Variants in LNX2 observed in about 807,000 individuals in gnomAD.
LNX2 encodes the protein ligand of numb-protein X 2, also known as ligand of Numb protein X 2.
A neutral mutation model predicts 66.2 loss-of-function variants in LNX2; 35 were observed. The observed-to-expected ratio is 0.53, with a 90% CI of 0.40 to 0.70. The LOEUF is 0.70. LNX2 is among the 30% of genes least tolerant of loss of function. The probability of loss-of-function intolerance (pLI) is 0.00; values close to 1 mark genes in which losing one functional copy is unlikely to be tolerated. For missense variants in LNX2, 791 were observed against 850.8 expected, an observed-to-expected ratio of 0.93 and a Z score of 0.87; for synonymous variants, 337 against 315.6, an observed-to-expected ratio of 1.07 and a Z score of -0.72.
At chr13:27,583,292 G>A (rs367677664) in intron 1 of LNX2, among the ~76,000 whole-genome samples, 1 of 124,180 alleles carries the variant, frequency 8.1e-6, no homozygotes, top group African/African-American at 3.1e-5. Context: ...TTTTAAGTTC[G>A]ATCTGTTGCC....
At chr13:27,608,149 T>C (rs998852916) in intron 1 of LNX2, among the ~76,000 whole-genome samples, 1 of 152,224 alleles carries the variant, frequency 6.6e-6, no homozygotes, top group Admixed American at 6.5e-5. Context: ...AAGACATATA[T>C]GTATTCAGTT....
upstream of LNX2, chr13:27,620,838 G>C (rs1242208252): frequency 6.5e-6 from 1 of 152,792 alleles, no homozygotes; most frequent in Non-Finnish European, 1.5e-5. Flanking sequence ...AGGTGTCTGC[G>C]CGCACCCCCG....
intron 1 of LNX2, among the ~76,000 whole-genome samples, chr13:27,605,684 G>A (rs1482166398): frequency 6.6e-6 from 1 of 151,924 alleles, no homozygotes; most frequent in Non-Finnish European, 1.5e-5. Context: ...GAAAAATATC[G>A]ACCTTACAGG....
At chr13:27,615,255 G>C (rs78774800) in intron 1 of LNX2, among the ~76,000 whole-genome samples, 1 of 152,176 alleles carries the variant, frequency 6.6e-6, no homozygotes, top group Admixed American at 6.5e-5. Context: ...ACAGAACTCA[G>C]GGATACACTT....
chr13:27,562,342 G>A, intron 5 of LNX2, 71 bp downstream of exon 5: 1 of 1,494,008 alleles, frequency 6.7e-7, no homozygotes, highest in South Asian at 1.3e-5. Flanking sequence ...GATGTTATTG[G>A]CCAGTGAAAA....
Position 27,553,382 on chromosome 13 carries a change from G to A in LNX2, c.1604C>T (p.Ala535Val). 1 of 1,614,148 alleles carries A rather than the reference G, an allele frequency of 6.2e-7. No individual in the cohort carries two copies. Among genetic ancestry groups the A allele is most frequent in the Non-Finnish European group, 8.5e-7 (1 of 1,180,036 alleles). Residue 535 changes from alanine to valine, a missense_variant, in exon 8 of 10, where the codon GCA (alanine) becomes GTA (valine). Coordinates refer to ENST00000316334, the MANE Select transcript of LNX2 (RefSeq NM_153371.4). ...IDLTNLSHSE[A>V]VAMLKASAAS... The stretch of plus-strand genomic sequence containing the variant: ...GGCACTGGCTTTCAGCATTGCAACT[G>A]CCTCACTGTGACTTAAATTGGTCAA...
intron 1 of LNX2, among the ~76,000 whole-genome samples, chr13:27,615,373 G>T (rs756085562): frequency 6.6e-6 from 1 of 152,236 alleles, no homozygotes; most frequent in Non-Finnish European, 1.5e-5. Context: ...CCCTCTCTGG[G>T]GCGTGTTACC....
intron 2 of LNX2, among the ~76,000 whole-genome samples, chr13:27,575,267 G>A (rs1955330174): frequency 6.6e-6 from 1 of 152,142 alleles, no homozygotes; most frequent in Non-Finnish European, 1.5e-5. Flanking sequence ...AATAATAATA[G>A]CACACAGGAG....
intron 1 of LNX2, among the ~76,000 whole-genome samples, chr13:27,591,644 T>A (rs1371205842): frequency 2.0e-5 from 3 of 152,212 alleles, no homozygotes; most frequent in East Asian, 3.9e-4. Flanking sequence ...ATCTCCTATG[T>A]GCCAGACACT....
In LNX2 at chr13:27,559,720, T is replaced by C. The variant is rs1355349086; in HGVS notation, c.1368+122A>G. 6.3e-6 allele frequency: 6 copies of C among 957,786 alleles called. No individual in the cohort carries two copies. In the African/African-American group the frequency reaches 8.4e-5, roughly 13 times the overall value. 59.3% of individuals were successfully genotyped at this position (957,786 alleles called of 1,614,324 possible). Reference sequence around the variant, plus strand: ...AGAATAACAACCCTCATTTGAATCTTTTTTTTAAAAAAACTGCTTTATTGA... The same window carrying C: ...AGAATAACAACCCTCATTTGAATCTCTTTTTTAAAAAAACTGCTTTATTGA... On this transcript the variant is annotated intron_variant, in intron 6 of 9. Coordinates refer to ENST00000316334, the MANE Select transcript of LNX2 (RefSeq NM_153371.4).
At chr13:27,594,225 GATT>G (rs1215347431) in intron 1 of LNX2, among the ~76,000 whole-genome samples, 15 of 152,154 alleles carry the variant, frequency 9.9e-5, no homozygotes, top group African/African-American at 3.4e-4. Context: ...TTAAACATAT[GATT>G]ATTATCCTTA....
intron 1 of LNX2, among the ~76,000 whole-genome samples, chr13:27,611,742 A>C (rs1955776340): frequency 6.6e-6 from 1 of 152,264 alleles, no homozygotes; most frequent in South Asian, 2.1e-4. Flanking sequence ...TCAGTACTTA[A>C]TATGGGAAAA....
chr13:27,572,223 A>G (rs887948559), intron 2 of LNX2, among the ~76,000 whole-genome samples: 2 of 152,244 alleles, frequency 1.3e-5, no homozygotes, highest in African/African-American at 2.4e-5. Context: ...CACAAAAATA[A>G]AAACCTATCC....
chr13:27,560,768 ACT>A (rs1459624180), intron 5 of LNX2, among the ~76,000 whole-genome samples: 1 of 151,838 alleles, frequency 6.6e-6, no homozygotes, highest in Non-Finnish European at 1.5e-5. Context: ...TTTGATGCTG[ACT>A]CTTGGTCATG....
chr13:27,617,734 T>TAGTTGTGTTGGATA (rs1174970486), intron 1 of LNX2, among the ~76,000 whole-genome samples: 9 of 152,248 alleles, frequency 5.9e-5, no homozygotes, highest in Non-Finnish European at 1.3e-4. Context: ...TCCTAGCTCC[T>TAGTTGTGTTGGATA]GTGAGACACA....
At chr13:27,587,882 A>G (rs184091195) in intron 1 of LNX2, among the ~76,000 whole-genome samples, 12 of 152,156 alleles carry the variant, frequency 7.9e-5, no homozygotes, top group South Asian at 2.1e-4. Context: ...TTAGCCGGGC[A>G]TGGTGGCGAG....
chr13:27,593,102 C>A (rs1425044136), intron 1 of LNX2, among the ~76,000 whole-genome samples: 2 of 152,134 alleles, frequency 1.3e-5, no homozygotes, highest in African/African-American at 4.8e-5. Context: ...ACATTTTTCA[C>A]CCCCATGTTT....
intron 7 of LNX2, 110 bp from the exon 8 acceptor site, chr13:27,553,549 G>C: frequency 1.4e-6 from 1 of 691,342 alleles, no homozygotes; most frequent in Non-Finnish European, 2.5e-6. Flanking sequence ...ACTCTGATGA[G>C]ATAAGGTATA....
At chr13:27,582,425 T>C (rs73446875) in intron 1 of LNX2, among the ~76,000 whole-genome samples, 1,577 of 152,356 alleles carry the variant, frequency 0.01, 30 homozygotes, top group African/African-American at 0.036. Context: ...TTTGTTTTAC[T>C]GACTGAAATC....
Sources: allele counts gnomAD v4.1 joint callset (sites outside exome capture counted in the v4.1 genomes callset), GRCh38; gene constraint gnomAD v4.1.1; transcripts MANE v1.5; gene names NCBI Gene and HGNC (gene_info 2026-07-23, HGNC 2026-07-21).